CTNNA2: variants seen among roughly 807,000 people sequenced by gnomAD.
The protein encoded by CTNNA2 is catenin alpha 2.
In CTNNA2, 42 loss-of-function variants were observed where a neutral mutation model predicts 101.0. The ratio of observed to expected loss-of-function variants is 0.42; its 90% confidence interval spans 0.32 to 0.54. The LOEUF (loss-of-function observed/expected upper bound fraction) is 0.54, where lower values mean the gene tolerates loss of function less well. Among genes scored for constraint, CTNNA2 ranks in the 20% least tolerant of loss-of-function variants. The pLI is 0.14. For missense variants in CTNNA2, 871 were observed against 1,223.1 expected (o/e 0.71, Z 4.29); for synonymous variants, 450 against 456.4 (o/e 0.99, Z 0.18).
intron 1 of CTNNA2, among the ~76,000 whole-genome samples, chr2:79,641,427 CT>C: frequency 1.3e-5 from 2 of 152,282 alleles, no homozygotes; most frequent in African/African-American, 4.8e-5. Context: ...TTTAAAGTTA[CT>C]TTTGGACTGT....
At chr2:79,716,962 A>G (rs1439951254) in intron 2 of CTNNA2, among the ~76,000 whole-genome samples, 5 of 152,164 alleles carry the variant, frequency 3.3e-5, no homozygotes, top group African/African-American at 1.2e-4. Context: ...AAAGGTGCTG[A>G]AATTTTCATC....
At chr2:80,049,133 G>A (rs1197220120) in intron 7 of CTNNA2, among the ~76,000 whole-genome samples, 1 of 152,108 alleles carries the variant, frequency 6.6e-6, no homozygotes, top group East Asian at 1.9e-4. Context: ...TGAAATTGTA[G>A]GATGAAACTT....
intron 3 of CTNNA2, among the ~76,000 whole-genome samples, chr2:79,840,529 G>C (rs1679719037): frequency 1.3e-5 from 2 of 152,090 alleles, no homozygotes; most frequent in African/African-American, 4.8e-5. Flanking sequence ...CCAGGTGTTT[G>C]GAGACTTTTT....
intron 3 of CTNNA2, among the ~76,000 whole-genome samples, chr2:79,780,853 T>C (rs1164649684): frequency 6.6e-6 from 1 of 152,178 alleles, no homozygotes; most frequent in East Asian, 1.9e-4. Flanking sequence ...GCATTCAATA[T>C]AGAGAAGAAG....
At chr2:80,258,306 T>A (rs1672329992) in intron 7 of CTNNA2, among the ~76,000 whole-genome samples, 1 of 152,204 alleles carries the variant, frequency 6.6e-6, no homozygotes, top group South Asian at 2.1e-4. Context: ...TCAGGTTATT[T>A]TTTTGCACTT....
intron 3 of CTNNA2, among the ~76,000 whole-genome samples, chr2:79,343,886 C>T (rs1228419985): frequency 6.6e-6 from 1 of 152,018 alleles, no homozygotes; most frequent in Non-Finnish European, 1.5e-5. Flanking sequence ...CAGAATTGGA[C>T]TTTGTGTCTT....
intron 9 of CTNNA2, among the ~76,000 whole-genome samples, chr2:80,531,914 T>C (rs1368332590): frequency 2.6e-5 from 4 of 152,176 alleles, no homozygotes; most frequent in Non-Finnish European, 5.9e-5. Context: ...GTTGGCAATC[T>C]TCTTCTGTAA....
At chr2:80,311,955 G>A (rs1205358323) in intron 7 of CTNNA2, among the ~76,000 whole-genome samples, 1 of 152,220 alleles carries the variant, frequency 6.6e-6, no homozygotes, top group Non-Finnish European at 1.5e-5. Context: ...GAATGCTGGT[G>A]CAGGAACCTG....
intron 6 of CTNNA2, among the ~76,000 whole-genome samples, chr2:79,896,438 A>G (rs866821361): frequency 8.5e-5 from 13 of 152,222 alleles, no homozygotes; most frequent in South Asian, 2.1e-4. Context: ...ACATATATTC[A>G]TCTGCAAATA....
chr2:79,553,818 A>G (rs1322803732), intron 1 of CTNNA2, among the ~76,000 whole-genome samples: 4 of 152,166 alleles, frequency 2.6e-5, no homozygotes, highest in Non-Finnish European at 5.9e-5. Context: ...ACAAATACAA[A>G]CCATAAAATA....
At chr2:79,651,955 C>T (rs1681288226) in intron 2 of CTNNA2, among the ~76,000 whole-genome samples, 1 of 152,120 alleles carries the variant, frequency 6.6e-6, no homozygotes, top group Non-Finnish European at 1.5e-5. Context: ...ATAAACTATT[C>T]CTCCTGCACT....
At chr2:80,395,070 A>ACT (rs1677882760) in intron 8 of CTNNA2, among the ~76,000 whole-genome samples, 1 of 152,176 alleles carries the variant, frequency 6.6e-6, no homozygotes, top group African/African-American at 2.4e-5. Context: ...ATGAATGAAA[A>ACT]AGTAATTTTT....
Position 79,519,763 on chromosome 2 carries a change from A to T in CTNNA2, c.-6+6556A>T, listed in dbSNP as rs190440382. 1.7e-3 allele frequency among the ~76,000 whole-genome samples: 252 copies of T among 152,244 alleles called. 2 individuals carry two copies. Among genetic ancestry groups the T allele is most frequent in the Non-Finnish European group, 2.2e-3 (149 of 68,020 alleles). On this transcript the variant is annotated intron_variant, in intron 1 of 18. Coordinates refer to ENST00000402739, the MANE Select transcript of CTNNA2 (RefSeq NM_001282597.3). Reference sequence around the variant, plus strand: ...CTTCACAGTCTCTGGGCAAACTGTGAGGGACTAAGTAACCTGTCTTTTCTT... The same window carrying T: ...CTTCACAGTCTCTGGGCAAACTGTGTGGGACTAAGTAACCTGTCTTTTCTT...
chr2:79,892,712 G>A (rs1030726331), intron 6 of CTNNA2, among the ~76,000 whole-genome samples: 19 of 152,146 alleles, frequency 1.2e-4, no homozygotes, highest in African/African-American at 4.6e-4. Context: ...CTACTATGAT[G>A]CTGCATTTCT....
intron 3 of CTNNA2, among the ~76,000 whole-genome samples, chr2:79,856,825 C>T (rs1681176855): frequency 6.6e-6 from 1 of 152,188 alleles, no homozygotes; most frequent in Non-Finnish European, 1.5e-5. Flanking sequence ...TATACTCCCT[C>T]TCCCATCTCC....
intron 7 of CTNNA2, among the ~76,000 whole-genome samples, chr2:79,945,312 G>T (rs2916482): frequency 6.6e-6 from 1 of 152,006 alleles, no homozygotes; most frequent in Non-Finnish European, 1.5e-5. Context: ...AAGTGCTGGG[G>T]TAACAGGAGT....
intron 7 of CTNNA2, among the ~76,000 whole-genome samples, chr2:80,053,729 T>C (rs1158246991): frequency 1.3e-5 from 2 of 152,198 alleles, no homozygotes; most frequent in African/African-American, 4.8e-5. Flanking sequence ...GCTGGTCCAC[T>C]GAACACACAT....
chr2:79,894,035 CTT>C lies in CTNNA2; in HGVS notation c.853-15558_853-15557del, dbSNP rs1558619476. 4.7e-3 allele frequency among the ~76,000 whole-genome samples: 696 copies of C among 146,694 alleles called. 3 individuals carry two copies. The highest frequency in any genetic ancestry group is 6.6e-3 in the Non-Finnish European group (441 of 66,952). ...TCTTCTTCTTCTTCTTCTTCTTCTT[CTT>C]CTTCTTCTTCTTCTTCTTCTTCTTC... On this transcript the variant is annotated intron_variant, in intron 6 of 18. Coordinates refer to ENST00000402739, the MANE Select transcript of CTNNA2 (RefSeq NM_001282597.3).
At chr2:79,771,627 G>A (rs1333424508) in intron 3 of CTNNA2, among the ~76,000 whole-genome samples, 6 of 152,148 alleles carry the variant, frequency 3.9e-5, no homozygotes, top group African/African-American at 1.4e-4. Context: ...CAGTTCACAA[G>A]AGGGTCCACT....
Sources: allele counts gnomAD v4.1 joint callset (sites outside exome capture counted in the v4.1 genomes callset), GRCh38; gene constraint gnomAD v4.1.1; transcripts MANE v1.5; gene names NCBI Gene and HGNC (gene_info 2026-07-23, HGNC 2026-07-21).